Variants in TRPM2 observed in about 807,000 individuals in gnomAD.
The protein encoded by TRPM2 is transient receptor potential cation channel subfamily M member 2.
In TRPM2, 161 loss-of-function variants were observed where a neutral mutation model predicts 174.0. That is an observed-to-expected ratio of 0.93 (90% CI 0.81 to 1.05). TRPM2 has a LOEUF of 1.05. TRPM2 is among the 50% of genes least tolerant of loss of function. The pLI, the probability that TRPM2 is intolerant of heterozygous loss-of-function variation, is 0.00. For missense variants in TRPM2, 2,057 were observed against 2,038.0 expected (o/e 1.01, Z -0.18); for synonymous variants, 954 against 861.3 (o/e 1.11, Z -1.88).
At position 44,439,271 on chromosome 21, in the gene TRPM2, C is replaced by T. The variant is rs989903780; in HGVS notation, c.4269+103C>T. ...CTGCCCCAGCACCACTGGGTGGCAG[C>T]GGTCCCACCCAGCTTCACCAGGTGA... is the stretch of plus-strand genomic sequence containing the variant. On this transcript the variant is annotated intron_variant, in intron 30 of 31. Coordinates refer to ENST00000397928, the MANE Select transcript of TRPM2 (RefSeq NM_003307.4). This position sits in a 1 kb window ranked among gnomAD's most constrained non-coding sequence, Gnocchi z 5.1. 84 of 1,034,210 alleles carry T rather than the reference C, an allele frequency of 8.1e-5. No homozygotes were observed. The highest frequency in any genetic ancestry group is 9.4e-5 in the Non-Finnish European group (65 of 689,728). 64.1% of individuals were successfully genotyped at this position (1,034,210 alleles called of 1,614,324 possible). A position where few individuals can be genotyped will look rare whatever the true frequency, so the allele number is the denominator to read the frequency against.
rs1386711894 is a variant in TRPM2 at position 44,391,109 on chromosome 21, A to G, written c.1440+84A>G. ...TGAAGCAAGGGCAGGCAAAGTTCGC[A>G]TTGTCTGGATCCCAGCCCTTCCCTT... On this transcript the variant is annotated intron_variant, in intron 10 of 31. Transcript: ENST00000397928. This position sits in a 1 kb window ranked among gnomAD's most constrained non-coding sequence, Gnocchi z 5.0. 4 of 1,595,482 alleles carry G rather than the reference A, an allele frequency of 2.5e-6. No individual in the cohort carries two copies. The highest frequency in any genetic ancestry group is 3.4e-6 in the Non-Finnish European group (4 of 1,168,124).
intron 13 of TRPM2, among the ~76,000 whole-genome samples, 196 bp downstream of exon 13, chr21:44,398,072 C>A (rs2049489490): frequency 6.6e-6 from 1 of 152,234 alleles, no homozygotes; most frequent in Non-Finnish European, 1.5e-5. Flanking sequence ...TTCGTCTTGC[C>A]TGCTGCTCAG....
intron 2 of TRPM2, among the ~76,000 whole-genome samples, chr21:44,357,547 T>C (rs868819503): frequency 5.9e-5 from 9 of 152,162 alleles, no homozygotes; most frequent in Middle Eastern, 3.2e-3. Flanking sequence ...GCAGGCGCCA[T>C]GCATGCTCCT....
intron 20 of TRPM2, chr21:44,415,538 AC>A (rs2050252143): frequency 6.6e-6 from 1 of 152,368 alleles, no homozygotes; most frequent in South Asian, 2.1e-4. Flanking sequence ...GCCCTGCCGA[AC>A]CTTGGTTTTA....
intron 27 of TRPM2, among the ~76,000 whole-genome samples, chr21:44,428,365 C>A (rs1034168349): frequency 2.0e-4 from 31 of 151,780 alleles, no homozygotes; most frequent in Non-Finnish European, 3.4e-4. Flanking sequence ...CTGGCCCCTC[C>A]CCTGAGGTGT....
intron 27 of TRPM2, among the ~76,000 whole-genome samples, chr21:44,433,161 C>A (rs560748408): frequency 1.3e-5 from 2 of 152,312 alleles, no homozygotes; most frequent in East Asian, 1.9e-4. Flanking sequence ...AGCGAGCGTG[C>A]ATGTGGTAGG....
chr21:44,393,204 A>G (rs2049238734), intron 11 of TRPM2, among the ~76,000 whole-genome samples: 2 of 152,316 alleles, frequency 1.3e-5, no homozygotes, highest in South Asian at 4.1e-4. Context: ...ACTCAATGTC[A>G]GGAATGATGC....
intron 20 of TRPM2, chr21:44,415,989 G>C (rs145903794): frequency 3.7e-4 from 56 of 152,186 alleles, no homozygotes; most frequent in African/African-American, 1.3e-3. Flanking sequence ...GAAAACACAG[G>C]TGTTTGGGGT....
chr21:44,420,411 G>A (rs1389049984), intron 22 of TRPM2, among the ~76,000 whole-genome samples: 2 of 152,202 alleles, frequency 1.3e-5, no homozygotes, highest in Non-Finnish European at 1.5e-5. Flanking sequence ...TGTAGAGCAG[G>A]CCCAGTGCCT....
chr21:44,391,695 T>C lies in TRPM2; in HGVS notation c.1794+70T>C, dbSNP rs1269103042. ...CTACTGCTATGTTCTTAGAGCTCTCTGTTTTTAAAATTAGCTTTTATTTTT... is the reference window on the plus strand; with the variant it reads ...CTACTGCTATGTTCTTAGAGCTCTCCGTTTTTAAAATTAGCTTTTATTTTT... On this transcript the variant is annotated intron_variant, in intron 11 of 31. Transcript: ENST00000397928. This position sits in a 1 kb window ranked among gnomAD's most constrained non-coding sequence, Gnocchi z 5.0. 3 of 1,345,234 alleles carry C rather than the reference T, an allele frequency of 2.2e-6. No individual in the cohort carries two copies. Among genetic ancestry groups the C allele is most frequent in the Non-Finnish European group, 3.0e-6 (3 of 1,006,406 alleles). 83.3% of individuals were successfully genotyped at this position (1,345,234 alleles called of 1,614,324 possible). A position where few individuals can be genotyped will look rare whatever the true frequency, so the allele number is the denominator to read the frequency against.
At chr21:44,412,812 C>T (rs1292357520) in intron 19 of TRPM2, among the ~76,000 whole-genome samples, 4 of 152,024 alleles carry the variant, frequency 2.6e-5, no homozygotes, top group South Asian at 2.1e-4. Flanking sequence ...TGGGAAGTTA[C>T]GTTAATAATT....
intron 8 of TRPM2, among the ~76,000 whole-genome samples, chr21:44,382,258 T>C (rs550826891): frequency 6.6e-6 from 1 of 152,220 alleles, no homozygotes; most frequent in Admixed American, 6.5e-5. Flanking sequence ...TGTAGATAGA[T>C]GGATAGATGC....
chr21:44,435,250 A>G (rs1441164261), intron 28 of TRPM2, 33 bp downstream of exon 28: 1 of 1,598,824 alleles, frequency 6.3e-7, no homozygotes, highest in Admixed American at 1.7e-5. Context: ...CCAGCACCTC[A>G]GCAAGGCGGT....
chr21:44,400,888 C>T (rs1305310729), intron 15 of TRPM2, among the ~76,000 whole-genome samples: 2 of 152,172 alleles, frequency 1.3e-5, no homozygotes, highest in Non-Finnish European at 2.9e-5. Context: ...CTTGCTGGGG[C>T]GTTGTGGGAT....
In TRPM2 at chr21:44,426,726, C is replaced by G. The variant is rs1474908734; in HGVS notation, c.3862C>G (p.Pro1288Ala). Residue 1288 changes from proline (P) to alanine (A), a missense_variant, in exon 26 of 32, where the codon CCC becomes GCC. Pro to Ala is a conservative substitution (Grantham distance 27, BLOSUM62 -1). Transcript: ENST00000397928. ...GAGGAAGGACGCGGCCGCCATGGAC[C>G]CCATGGGAGAGTGAGTATGAGCCGC... Reference protein sequence around the residue: ...AERKDAAAMDPMGDTLEPLST... With the variant: ...AERKDAAAMDAMGDTLEPLST... 2 of 1,614,014 alleles carry G rather than the reference C, an allele frequency of 1.2e-6. No individual in the cohort carries two copies. The highest frequency in any genetic ancestry group is 1.7e-6 in the Non-Finnish European group (2 of 1,179,978).
At chr21:44,377,680 G>A in intron 6 of TRPM2, 32 bp from the exon 7 acceptor site, 1 of 1,613,568 alleles carries the variant, frequency 6.2e-7, no homozygotes, top group Non-Finnish European at 8.5e-7. Context: ...TTGTTTAGGT[G>A]TGGCCCTCAC....
intron 20 of TRPM2, chr21:44,416,772 C>G (rs971616024): frequency 3.4e-5 from 7 of 205,042 alleles, no homozygotes; most frequent in African/African-American, 1.4e-4. Context: ...GGGCATGGCT[C>G]TGCTCTCTGT....
At chr21:44,422,689 T>G (rs1262848846) in intron 22 of TRPM2, among the ~76,000 whole-genome samples, 2 of 152,152 alleles carry the variant, frequency 1.3e-5, no homozygotes, top group Non-Finnish European at 2.9e-5. Flanking sequence ...CAGAGTTATT[T>G]TAACCATAAA....
At chr21:44,417,893 T>G (rs1025028490) in intron 20 of TRPM2, 34 bp from the exon 21 acceptor site, 2 of 1,594,916 alleles carry the variant, frequency 1.3e-6, no homozygotes, top group East Asian at 2.2e-5. Context: ...GTAAACACCC[T>G]GACCTCGAGG....
Sources: allele counts gnomAD v4.1 joint callset (sites outside exome capture counted in the v4.1 genomes callset), GRCh38; gene constraint gnomAD v4.1.1; non-coding constraint Gnocchi (gnomAD v3.1); transcripts MANE v1.5; gene names NCBI Gene and HGNC (gene_info 2026-07-23, HGNC 2026-07-21).